CENPK: variants seen among roughly 807,000 people sequenced by gnomAD.
The protein encoded by CENPK is SoxLZ/Sox6-binding protein Solt.
CENPK carries 46 observed loss-of-function variants against 40.9 expected under a neutral mutation model. The observed-to-expected ratio is 1.13, with a 90% CI of 0.89 to 1.44. The LOEUF (loss-of-function observed/expected upper bound fraction) is 1.44, where lower values mean the gene tolerates loss of function less well. CENPK is among the 40% of genes most tolerant of loss of function. CENPK has a pLI of 0.00. For missense variants in CENPK, 288 were observed against 303.5 expected (o/e 0.95, Z 0.38); for synonymous variants, 107 against 104.4 (o/e 1.02, Z -0.15).
chr5:65,499,649 A>G, the CENPK span, among the ~76,000 whole-genome samples: 1 of 76,756 alleles, frequency 1.3e-5, no homozygotes, highest in East Asian at 2.7e-4. Flanking sequence ...AAAATATTAG[A>G]TCTTTTTTTT....
intron 5 of CENPK, among the ~76,000 whole-genome samples, chr5:65,545,192 C>T (rs1403738175): frequency 6.6e-6 from 1 of 151,914 alleles, no homozygotes; most frequent in African/African-American, 2.4e-5. Context: ...TCAAATTCTG[C>T]AAAAGACATA....
At chr5:65,523,027 T>C (rs1744061037) in intron 9 of CENPK, among the ~76,000 whole-genome samples, 1 of 152,250 alleles carries the variant, frequency 6.6e-6, no homozygotes, top group Non-Finnish European at 1.5e-5. Flanking sequence ...TAAAAATGTC[T>C]TCCTTATTCT....
downstream of CENPK, among the ~76,000 whole-genome samples, chr5:65,513,307 T>C (rs1475118236): frequency 3.3e-5 from 5 of 152,226 alleles, no homozygotes; most frequent in African/African-American, 1.2e-4. Context: ...CGTTCCCTCA[T>C]TAACTATAAA....
At chr5:65,544,142 G>A (rs1238467006) in intron 5 of CENPK, among the ~76,000 whole-genome samples, 1 of 152,150 alleles carries the variant, frequency 6.6e-6, no homozygotes, top group Non-Finnish European at 1.5e-5. Flanking sequence ...AGAATATTCA[G>A]TGCCTTGGAA....
chr5:65,544,343 T>C (rs912423811), intron 5 of CENPK, among the ~76,000 whole-genome samples: 2 of 152,136 alleles, frequency 1.3e-5, no homozygotes, highest in African/African-American at 2.4e-5. Flanking sequence ...GGGGGATATA[T>C]TTAGGCCACA....
At chr5:65,559,558 G>A (rs1751593454) in intron 2 of CENPK, among the ~76,000 whole-genome samples, 1 of 149,866 alleles carries the variant, frequency 6.7e-6, no homozygotes, top group Non-Finnish European at 1.5e-5. Flanking sequence ...GAACCCGGGA[G>A]GCGGAGCTTG....
the CENPK span, among the ~76,000 whole-genome samples, chr5:65,508,480 C>T: frequency 1.8e-4 from 27 of 152,136 alleles, no homozygotes; most frequent in Admixed American, 7.2e-4. Flanking sequence ...TTCACATACA[C>T]GAACATAAAA....
chr5:65,548,809 C>T (rs921800329), intron 5 of CENPK, among the ~76,000 whole-genome samples: 4 of 152,158 alleles, frequency 2.6e-5, no homozygotes, highest in Non-Finnish European at 5.9e-5. Flanking sequence ...TCAGACTCCA[C>T]TTCTAATTCT....
intron 2 of CENPK, among the ~76,000 whole-genome samples, chr5:65,557,610 A>C (rs768005978): frequency 1.3e-5 from 2 of 152,218 alleles, no homozygotes; most frequent in Non-Finnish European, 1.5e-5. Context: ...CCAGACATAC[A>C]CACGATCATT....
intron 6 of CENPK, chr5:65,529,490 TCTTTC>T (rs1036975188): frequency 5.3e-6 from 1 of 189,954 alleles, no homozygotes; most frequent in Non-Finnish European, 9.5e-6. Flanking sequence ...ACCTTTTCTT[TCTTTC>T]TTTTTTTTTT....
At chr5:65,533,449 A>T (rs1303259762) in intron 6 of CENPK, among the ~76,000 whole-genome samples, 1 of 152,162 alleles carries the variant, frequency 6.6e-6, no homozygotes, top group Non-Finnish European at 1.5e-5. Flanking sequence ...TGTCTACGAA[A>T]AACCTACTGC....
intron 6 of CENPK, chr5:65,541,502 TATTGAGTGGTGAC>T: frequency 2.2e-6 from 1 of 452,144 alleles, no homozygotes; most frequent in East Asian, 7.0e-5. Flanking sequence ...TGCTACGTTG[TATTGAGTGGTGAC>T]GGAGACTAGG....
rs746283375 is a variant in CENPK at position 65,551,610 on chromosome 5, T to C, written c.195A>G (p.Lys65=). 4 of 1,577,340 alleles carry C rather than the reference T, an allele frequency of 2.5e-6. No homozygotes were observed. Among genetic ancestry groups the C allele is most frequent in the East Asian group, 2.3e-5 (1 of 43,964 alleles). The change falls in exon 5 of 11, where the codon AAA becomes AAG. Residue 65 remains lysine (K), a synonymous_variant. Transcript: ENST00000396679. The part of the protein sequence containing the change: ...AQLSLLIMQV[K]CLTAELSQWQ... ...ATTGACTGAGTTCAGCGGTTAAACA[T>C]TTTACTTGCATAATTAACAATGATA...
chr5:65,506,963 A>G, the CENPK span, among the ~76,000 whole-genome samples: 4 of 152,256 alleles, frequency 2.6e-5, no homozygotes, highest in East Asian at 7.7e-4. Context: ...TTCAAGCAAC[A>G]TAAAACCTTG....
intron 5 of CENPK, among the ~76,000 whole-genome samples, chr5:65,543,670 C>T (rs907648165): frequency 1.3e-5 from 2 of 152,142 alleles, no homozygotes; most frequent in Non-Finnish European, 2.9e-5. Context: ...CTTGATTGAA[C>T]ACTTTTAGAT....
chr5:65,540,041 G>C (rs1747680070), intron 6 of CENPK, among the ~76,000 whole-genome samples: 1 of 152,214 alleles, frequency 6.6e-6, no homozygotes, highest in Admixed American at 6.5e-5. Context: ...CCTGGCTTCA[G>C]TTGAGATGGC....
intron 9 of CENPK, among the ~76,000 whole-genome samples, chr5:65,527,349 T>G (rs998857358): frequency 6.6e-6 from 1 of 151,412 alleles, no homozygotes; most frequent in African/African-American, 2.4e-5. Flanking sequence ...GCTGAAGAGA[T>G]AGAAGTCCAT....
intron 10 of CENPK, among the ~76,000 whole-genome samples, 160 bp downstream of exon 10, chr5:65,521,315 T>G (rs191066030): frequency 1.3e-5 from 2 of 152,314 alleles, no homozygotes; most frequent in East Asian, 3.9e-4. Context: ...GAACAGAAAC[T>G]AATTTTATAC....
chr5:65,549,941 G>A (rs775469218), intron 5 of CENPK, among the ~76,000 whole-genome samples: 5 of 152,070 alleles, frequency 3.3e-5, no homozygotes, highest in Admixed American at 6.6e-5. Context: ...GACTGAAGCA[G>A]GTGGACCACG....
Sources: gnomAD v4.1 joint callset for allele counts (sites outside exome capture counted in the v4.1 genomes callset) on GRCh38, gnomAD v4.1.1 for gene constraint, MANE v1.5 for transcripts, NCBI Gene and HGNC (gene_info 2026-07-23, HGNC 2026-07-21) for gene names.